SPATA22: variants seen among roughly 807,000 people sequenced by gnomAD.
The protein encoded by SPATA22 is spermatogenesis-associated protein 22.
In SPATA22, 29 loss-of-function variants were observed where a neutral mutation model predicts 47.8. That is an observed-to-expected ratio of 0.61 (90% CI 0.45 to 0.83). The LOEUF is 0.83. SPATA22 is among the 40% of genes least tolerant of loss of function. SPATA22 has a pLI of 0.00. For missense variants in SPATA22, 410 were observed against 421.7 expected (o/e 0.97, Z 0.24); for synonymous variants, 133 against 140.9 (o/e 0.94, Z 0.40).
chr17:3,444,493 C>T (rs2072674781), intron 7 of SPATA22, among the ~76,000 whole-genome samples: 1 of 151,974 alleles, frequency 6.6e-6, no homozygotes, highest in African/African-American at 2.4e-5. Context: ...GTATAGTCTA[C>T]AAAAATTTAA....
At chr17:3,463,179 T>C (rs1300931953) in intron 3 of SPATA22, among the ~76,000 whole-genome samples, 2 of 152,192 alleles carry the variant, frequency 1.3e-5, no homozygotes, top group Non-Finnish European at 2.9e-5. Context: ...AATATAAAAC[T>C]TCATCAAATC....
chr17:3,462,809 G>T, intron 3 of SPATA22, 42 bp from the exon 4 acceptor site: 1 of 1,439,296 alleles, frequency 6.9e-7, no homozygotes, highest in Non-Finnish European at 9.8e-7. Flanking sequence ...AAGATAGGTA[G>T]TATTTTTCAA....
intron 1 of SPATA22, among the ~76,000 whole-genome samples, chr17:3,470,201 T>G (rs909274002): frequency 2.0e-5 from 3 of 151,938 alleles, no homozygotes; most frequent in African/African-American, 7.2e-5. Flanking sequence ...AAACAAGTTT[T>G]TCCTTAGTTT....
rs1478195459 is a variant in SPATA22 at position 3,455,380 on chromosome 17, T to C, written c.330-6231A>G. On this transcript the variant is annotated intron_variant, in intron 5 of 8. Coordinates refer to ENST00000572969, the MANE Select transcript of SPATA22 (RefSeq NM_001170698.2). ...CATGAAGTCCTTGCCCATGCCTATGTCCTGAATGGTAATGCCTAGGTTTTC... is the reference window on the plus strand; with the variant it reads ...CATGAAGTCCTTGCCCATGCCTATGCCCTGAATGGTAATGCCTAGGTTTTC... Among the ~76,000 whole-genome samples, 53 of 151,682 alleles carry C rather than the reference T, an allele frequency of 3.5e-4. No homozygotes were observed. In the East Asian group the frequency reaches 8.7e-3, roughly 25 times the overall value.
chr17:3,479,861 G>A (rs941373208), intron 1 of SPATA22, among the ~76,000 whole-genome samples: 3 of 151,954 alleles, frequency 2.0e-5, no homozygotes, highest in African/African-American at 4.8e-5. Context: ...GTGGTTGAAC[G>A]GTTTAATGAG....
At chr17:3,504,526 T>C (rs1415282996) in intron 1 of SPATA22, among the ~76,000 whole-genome samples, 4 of 80,668 alleles carry the variant, frequency 5.0e-5, no homozygotes, top group South Asian at 7.1e-4. Flanking sequence ...TGCAAATCCA[T>C]GGGAAAAAAA....
intron 7 of SPATA22, 122 bp downstream of exon 7, chr17:3,446,350 G>T: frequency 1.1e-6 from 1 of 899,740 alleles, no homozygotes; most frequent in Non-Finnish European, 1.6e-6. Flanking sequence ...CCAGTTCTTT[G>T]AATACACTTT....
At chr17:3,512,827 T>A (rs866385696) in intron 1 of SPATA22, 1 of 151,836 alleles carries the variant, frequency 6.6e-6, no homozygotes, top group South Asian at 2.1e-4. Flanking sequence ...AAAAAAAAAA[T>A]ACTTCGTACC....
chr17:3,441,025 T>C (rs1008136197), intron 8 of SPATA22: 2 of 152,096 alleles, frequency 1.3e-5, no homozygotes, highest in African/African-American at 4.8e-5. Flanking sequence ...CCCAAAAGTG[T>C]GATGCCTTTA....
intron 3 of SPATA22, 107 bp downstream of exon 3, chr17:3,467,319 G>A (rs1051176033): frequency 2.1e-6 from 2 of 946,816 alleles, no homozygotes; most frequent in South Asian, 3.8e-5. Context: ...GTGGATAATG[G>A]AAAGAAGAAA....
intron 1 of SPATA22, among the ~76,000 whole-genome samples, chr17:3,492,772 T>C (rs147155757): frequency 6.6e-6 from 1 of 152,128 alleles, no homozygotes; most frequent in Non-Finnish European, 1.5e-5. Flanking sequence ...CCATCAGACA[T>C]AACAGTAAGG....
intron 1 of SPATA22, among the ~76,000 whole-genome samples, chr17:3,482,670 C>T (rs936886206): frequency 2.0e-5 from 3 of 152,180 alleles, no homozygotes; most frequent in Non-Finnish European, 4.4e-5. Context: ...CATTTAGCCT[C>T]ATACCTGGCC....
rs1387223329 is a variant in SPATA22 at position 3,498,971 on chromosome 17, C to A, written c.-74+14441G>T. 8.1e-6 allele frequency: 13 copies of A among 1,614,018 alleles called. No homozygotes were observed. The highest frequency in any genetic ancestry group is 9.3e-6 in the Non-Finnish European group (11 of 1,180,000). On this transcript the variant is annotated intron_variant, in intron 1 of 8. Transcript: ENST00000541913. ...GGAAGACGATCCCACTGGGCGGAGACTGTACCGTGTACCCCGTGTTTGTGA... is the reference window on the plus strand; with the variant it reads ...GGAAGACGATCCCACTGGGCGGAGAATGTACCGTGTACCCCGTGTTTGTGA...
chr17:3,481,901 G>A (rs2073638004), intron 1 of SPATA22: 2 of 1,124,054 alleles, frequency 1.8e-6, no homozygotes, highest in South Asian at 1.5e-5. Context: ...GAAGGTGCAA[G>A]AGAAATGGGG....
At chr17:3,443,434 C>T (rs1173010387) in intron 7 of SPATA22, among the ~76,000 whole-genome samples, 163 bp from the exon 8 acceptor site, 2 of 151,936 alleles carry the variant, frequency 1.3e-5, no homozygotes, top group Non-Finnish European at 1.5e-5. Flanking sequence ...ATTTCTCAGG[C>T]AGTTTTATAG....
At position 3,485,586 on chromosome 17, in the gene SPATA22, G is replaced by A. The variant is rs2073704421; in HGVS notation, c.-73-16188C>T. Among the ~76,000 whole-genome samples, 1 of 152,188 alleles carries A rather than the reference G, an allele frequency of 6.6e-6. No individual in the cohort carries two copies. The highest frequency in any genetic ancestry group is 1.5e-5 in the Non-Finnish European group (1 of 68,026). On this transcript the variant is annotated intron_variant, in intron 1 of 8. Transcript: ENST00000541913. This position sits in a 1 kb window ranked among gnomAD's most constrained non-coding sequence, Gnocchi z 4.4. Reference sequence around the variant, plus strand: ...ATACATTCATGAGCTTGTCCGGAGTGATCAGATTTGACTGGATCAGAAAGG... The same window carrying A: ...ATACATTCATGAGCTTGTCCGGAGTAATCAGATTTGACTGGATCAGAAAGG...
At chr17:3,469,244 G>C (rs377671042) in intron 2 of SPATA22, 39 bp downstream of exon 2, 2 of 910,486 alleles carry the variant, frequency 2.2e-6, no homozygotes, top group Non-Finnish European at 3.5e-6. Context: ...AGCTTTATAT[G>C]CTATACAGAA....
chr17:3,463,909 T>TCGCCCTCTC (rs2073194035), intron 3 of SPATA22, among the ~76,000 whole-genome samples: 1 of 89,760 alleles, frequency 1.1e-5, no homozygotes, highest in Admixed American at 1.2e-4. Flanking sequence ...AAAACACTGA[T>TCGCCCTCTC]CCTCTCCCTC....
At chr17:3,451,150 A>G (rs2072850183) in intron 5 of SPATA22, among the ~76,000 whole-genome samples, 1 of 152,028 alleles carries the variant, frequency 6.6e-6, no homozygotes, top group African/African-American at 2.4e-5. Context: ...AAAAGAAAAC[A>G]GGGGTGGCTA....
Sources: gnomAD v4.1 joint callset for allele counts (sites outside exome capture counted in the v4.1 genomes callset) on GRCh38, gnomAD v4.1.1 for gene constraint, Gnocchi (gnomAD v3.1) non-coding constraint, MANE v1.5 for transcripts, NCBI Gene and HGNC (gene_info 2026-07-23, HGNC 2026-07-21) for gene names.